The following KIF18A variants were observed in gnomAD, a reference collection of about 807,000 sequenced individuals.
KIF18A encodes kinesin family member 18A.
Under a neutral mutation model 103.3 loss-of-function variants are expected in KIF18A, and 67 were observed. That is an observed-to-expected ratio of 0.65 (90% CI 0.53 to 0.79). The LOEUF (loss-of-function observed/expected upper bound fraction) is 0.79, where lower values mean the gene tolerates loss of function less well. KIF18A is among the 30% of genes least tolerant of loss of function. KIF18A has a pLI of 0.00. For synonymous variants in KIF18A, 367 were observed against 355.5 expected (o/e 1.03, Z -0.36); for missense variants, 1,032 against 1,062.5 (o/e 0.97, Z 0.40).
chr11:28,071,011 T>C (rs1026489581), intron 10 of KIF18A, among the ~76,000 whole-genome samples: 1 of 152,242 alleles, frequency 6.6e-6, no homozygotes, highest in East Asian at 1.9e-4. Flanking sequence ...CAGTGAGCCA[T>C]GACTGCATGA....
intron 13 of KIF18A, among the ~76,000 whole-genome samples, chr11:28,039,238 G>A (rs12803655): frequency 0.29 from 43,991 of 151,494 alleles, 7,229 homozygotes; most frequent in African/African-American, 0.44. Context: ...CTTTTACAAG[G>A]AGAGTTGTAA....
intron 9 of KIF18A, among the ~76,000 whole-genome samples, chr11:28,082,120 G>A (rs1851173243): frequency 6.6e-6 from 1 of 152,108 alleles, no homozygotes; most frequent in Non-Finnish European, 1.5e-5. Context: ...GGTTTCTTGA[G>A]AAAGTTTACC....
At chr11:28,107,077 T>C (rs1373419999) in intron 1 of KIF18A, among the ~76,000 whole-genome samples, 4 of 152,246 alleles carry the variant, frequency 2.6e-5, no homozygotes, top group Non-Finnish European at 5.9e-5. Context: ...AATCTTTGTT[T>C]ATTGAAATAG....
At chr11:28,084,585 A>G (rs1404136775) in intron 7 of KIF18A, 47 bp downstream of exon 7, 3 of 1,383,608 alleles carry the variant, frequency 2.2e-6, no homozygotes, top group East Asian at 2.3e-5. Context: ...TATAAAAATC[A>G]TATGCAGACA....
intron 13 of KIF18A, among the ~76,000 whole-genome samples, chr11:28,056,379 A>G (rs1850781063): frequency 6.6e-6 from 1 of 152,118 alleles, no homozygotes; most frequent in Non-Finnish European, 1.5e-5. Flanking sequence ...TGAAAAAAGA[A>G]AGTAAACTGA....
intron 13 of KIF18A, among the ~76,000 whole-genome samples, chr11:28,053,765 A>G (rs1393422035): frequency 1.3e-5 from 2 of 152,088 alleles, no homozygotes; most frequent in African/African-American, 4.8e-5. Flanking sequence ...GGTGGAGGAA[A>G]GCAGATGGGT....
intron 9 of KIF18A, among the ~76,000 whole-genome samples, chr11:28,081,901 T>C (rs111752710): frequency 1.3e-5 from 2 of 152,112 alleles, no homozygotes. Context: ...AATATCAACA[T>C]TAATAGGAAT....
At chr11:28,040,248 G>A (rs1850541580) in intron 13 of KIF18A, among the ~76,000 whole-genome samples, 1 of 151,658 alleles carries the variant, frequency 6.6e-6, no homozygotes. Context: ...TGAGTTGGGG[G>A]ATCAGAAAGT....
At chr11:28,088,837 G>T in intron 5 of KIF18A, 116 bp from the exon 6 acceptor site, 1 of 773,710 alleles carries the variant, frequency 1.3e-6, no homozygotes, top group Non-Finnish European at 2.1e-6. Context: ...AAAAACAACT[G>T]AACAAGGTAT....
intron 15 of KIF18A, among the ~76,000 whole-genome samples, chr11:28,029,756 G>A (rs1346944319): frequency 7.0e-6 from 1 of 143,602 alleles, no homozygotes; most frequent in African/African-American, 2.6e-5. Flanking sequence ...GTTTGCAGAT[G>A]ACATGATTGT....
At chr11:28,088,404 C>T (rs1268132146) in intron 6 of KIF18A, 120 bp downstream of exon 6, 2 of 772,460 alleles carry the variant, frequency 2.6e-6, no homozygotes, top group Admixed American at 2.4e-5. Context: ...ATTAACATTA[C>T]TGATATACCC....
intron 9 of KIF18A, among the ~76,000 whole-genome samples, chr11:28,082,351 T>C (rs528958888): frequency 2.0e-5 from 3 of 152,232 alleles, no homozygotes; most frequent in African/African-American, 7.2e-5. Context: ...ATTGTTGCCT[T>C]ATTTTCAGAA....
intron 10 of KIF18A, among the ~76,000 whole-genome samples, chr11:28,073,358 C>G (rs1851046952): frequency 6.6e-6 from 1 of 152,156 alleles, no homozygotes; most frequent in South Asian, 2.1e-4. Context: ...AAATGCAAGG[C>G]CCAGTACAAA....
intron 9 of KIF18A, among the ~76,000 whole-genome samples, chr11:28,081,454 T>A (rs1851163955): frequency 6.6e-6 from 1 of 152,122 alleles, no homozygotes; most frequent in African/African-American, 2.4e-5. Context: ...TTATGAAATA[T>A]GCTAAATTTA....
At chr11:28,069,192 G>C in intron 11 of KIF18A, 67 bp downstream of exon 11, 2 of 1,244,168 alleles carry the variant, frequency 1.6e-6, no homozygotes, top group Non-Finnish European at 2.3e-6. Context: ...TACTCAATAA[G>C]AAAAAGAACA....
intron 13 of KIF18A, among the ~76,000 whole-genome samples, chr11:28,058,180 T>A (rs767259467): frequency 5.0e-4 from 76 of 152,164 alleles, no homozygotes; most frequent in Non-Finnish European, 9.4e-4. Context: ...CACATACTTT[T>A]ATGAGAGAAA....
At chr11:28,072,720 T>C (rs1173087688) in intron 10 of KIF18A, among the ~76,000 whole-genome samples, 1 of 151,214 alleles carries the variant, frequency 6.6e-6, no homozygotes, top group Non-Finnish European at 1.5e-5. Context: ...GGCAATTGGG[T>C]TGAAAAAAGT....
At chr11:28,071,225 C>A (rs993805058) in intron 10 of KIF18A, among the ~76,000 whole-genome samples, 3 of 152,080 alleles carry the variant, frequency 2.0e-5, no homozygotes, top group African/African-American at 7.2e-5. Flanking sequence ...TTTTAAAATT[C>A]TTGTTTGCTC....
intron 6 of KIF18A, 38 bp from the exon 7 acceptor site, chr11:28,084,846 C>T (rs1355475774): frequency 6.6e-7 from 1 of 1,522,852 alleles, no homozygotes; most frequent in African/African-American, 1.4e-5. Context: ...TCATTTTCCA[C>T]ATTTAAATGC....
Sources: allele counts gnomAD v4.1 joint callset (sites outside exome capture counted in the v4.1 genomes callset), GRCh38; gene constraint gnomAD v4.1.1; transcripts MANE v1.5; gene names NCBI Gene and HGNC (gene_info 2026-07-23, HGNC 2026-07-21).